NOL4: variants seen among roughly 807,000 people sequenced by gnomAD.
NOL4 encodes cancer/testis antigen 125.
In NOL4, 17 loss-of-function variants were observed where a neutral mutation model predicts 75.9. The ratio of observed to expected loss-of-function variants is 0.22; its 90% CI spans 0.15 to 0.34. NOL4 has a LOEUF of 0.34. NOL4 is among the 10% of genes least tolerant of loss of function. The pLI is 1.00. For missense variants in NOL4, 614 were observed against 793.5 expected (o/e 0.77, Z 2.72); for synonymous variants, 292 against 289.9 (o/e 1.01, Z -0.07).
chr18:33,863,638 C>G (rs1283316133), intron 10 of NOL4, among the ~76,000 whole-genome samples: 1 of 152,198 alleles, frequency 6.6e-6, no homozygotes, highest in Non-Finnish European at 1.5e-5. Context: ...GGTGGTCTCT[C>G]ACAGCCTTGG....
At position 33,852,987 on chromosome 18, in the gene NOL4, G is replaced by C. The variant is rs755296224; in HGVS notation, c.1772C>G (p.Ser591Cys). ...MKRQLATSSG[S>C]SSSSNSRPQL... ...GGGTCTGGAGTTTGAGCTGCTGGAGGATCCTGAGCTAGTCGCCAATTGTCT... is the reference window on the plus strand; with the variant it reads ...GGGTCTGGAGTTTGAGCTGCTGGAGCATCCTGAGCTAGTCGCCAATTGTCT... Residue 591 changes from serine to cysteine, a missense_variant, in exon 11 of 11, where the codon TCC becomes TGC. By Grantham distance (112) the Ser-to-Cys change is moderately radical. Transcript: ENST00000261592. The C allele has an allele frequency of 5.0e-6, 8 of 1,612,862 alleles. No homozygotes were observed. The African/African-American group carries it at 8.0e-5, about 16-fold the overall frequency.
chr18:34,178,790 T>C (rs970895139), intron 1 of NOL4, among the ~76,000 whole-genome samples: 2 of 151,606 alleles, frequency 1.3e-5, no homozygotes, highest in African/African-American at 4.8e-5. Flanking sequence ...ATAGAATAAC[T>C]AGACAGAAGA....
intron 6 of NOL4, among the ~76,000 whole-genome samples, chr18:33,992,398 C>G (rs543362250): frequency 6.6e-6 from 1 of 151,968 alleles, no homozygotes; most frequent in Non-Finnish European, 1.5e-5. Flanking sequence ...AGACCCATAC[C>G]TCAGCAAAAT....
At chr18:33,931,334 T>A (rs1207590900) in intron 9 of NOL4, among the ~76,000 whole-genome samples, 1 of 152,182 alleles carries the variant, frequency 6.6e-6, no homozygotes, top group African/African-American at 2.4e-5. Context: ...CAGGTGCTAC[T>A]GACATTAAGT....
In NOL4 at chr18:33,973,725, G is replaced by C. The variant is rs190395413; in HGVS notation, c.1057-15307C>G. ...TCTTGGGTGACCAAGCGCACTGTGC[G>C]GGAGCAGTAATATTTTGAAACGAAT... On this transcript the variant is annotated intron_variant, in intron 6 of 10. Coordinates refer to ENST00000261592, the MANE Select transcript of NOL4 (RefSeq NM_003787.5). Among the ~76,000 whole-genome samples the C allele has an allele frequency of 1.3e-4, 20 of 152,260 alleles. No homozygotes were observed. In the East Asian group the frequency reaches 3.5e-3, roughly 26 times the overall value.
At chr18:34,134,866 T>G (rs1185713792) in intron 1 of NOL4, among the ~76,000 whole-genome samples, 1 of 152,108 alleles carries the variant, frequency 6.6e-6, no homozygotes, top group Non-Finnish European at 1.5e-5. Context: ...AACTAATTGG[T>G]CAGACGAATC....
At chr18:34,044,138 C>A (rs1003958490) in intron 5 of NOL4, among the ~76,000 whole-genome samples, 4 of 151,962 alleles carry the variant, frequency 2.6e-5, no homozygotes, top group African/African-American at 9.7e-5. Flanking sequence ...ACAGAGGGAT[C>A]TTTTGTTAGA....
intron 1 of NOL4, among the ~76,000 whole-genome samples, chr18:34,138,157 A>T (rs1344080425): frequency 6.6e-6 from 1 of 152,116 alleles, no homozygotes; most frequent in East Asian, 1.9e-4. Flanking sequence ...CATGCCTGTA[A>T]TCCCAGTGCT....
intron 6 of NOL4, among the ~76,000 whole-genome samples, chr18:33,963,738 G>C (rs1413163359): frequency 6.6e-6 from 1 of 152,130 alleles, no homozygotes; most frequent in African/African-American, 2.4e-5. Context: ...CCTCAGCAAA[G>C]AGGCTTCTGA....
At chr18:34,016,584 TA>T (rs917313480) in intron 6 of NOL4, among the ~76,000 whole-genome samples, 23 of 152,074 alleles carry the variant, frequency 1.5e-4, no homozygotes, top group African/African-American at 5.6e-4. Flanking sequence ...AAAACATGCT[TA>T]CCCCTCTCCC....
At chr18:33,936,984 A>G (rs2145489144) in intron 9 of NOL4, among the ~76,000 whole-genome samples, 1 of 152,154 alleles carries the variant, frequency 6.6e-6, no homozygotes, top group Admixed American at 6.6e-5. Flanking sequence ...TAATTACTAA[A>G]TAATAAATAT....
chr18:34,168,293 A>G (rs1332486238), intron 1 of NOL4, among the ~76,000 whole-genome samples: 1 of 151,954 alleles, frequency 6.6e-6, no homozygotes, highest in Admixed American at 6.6e-5. Context: ...AGTAAAATGG[A>G]ATACAGAAAA....
intron 5 of NOL4, among the ~76,000 whole-genome samples, chr18:34,060,518 T>C (rs1331100570): frequency 1.3e-5 from 2 of 152,190 alleles, no homozygotes; most frequent in Non-Finnish European, 2.9e-5. Context: ...TGGGTGGTGT[T>C]TATTTTCTGT....
At chr18:34,058,363 T>G (rs558192990) in intron 5 of NOL4, among the ~76,000 whole-genome samples, 2 of 152,212 alleles carry the variant, frequency 1.3e-5, no homozygotes, top group Non-Finnish European at 2.9e-5. Flanking sequence ...CTCGATCTCC[T>G]GACCTCGTGA....
intron 9 of NOL4, among the ~76,000 whole-genome samples, chr18:33,923,783 C>T (rs1012811999): frequency 1.3e-5 from 2 of 152,066 alleles, no homozygotes; most frequent in Non-Finnish European, 2.9e-5. Flanking sequence ...AAATTATTTA[C>T]TAAGTATAGA....
At chr18:33,992,993 G>T (rs937101718) in intron 6 of NOL4, among the ~76,000 whole-genome samples, 1 of 152,024 alleles carries the variant, frequency 6.6e-6, no homozygotes, top group Admixed American at 6.6e-5. Flanking sequence ...AGAGGTTTTA[G>T]TGGACGGCAA....
chr18:34,056,135 GT>G (rs2076826095), intron 5 of NOL4, among the ~76,000 whole-genome samples: 1 of 151,720 alleles, frequency 6.6e-6, no homozygotes, highest in Non-Finnish European at 1.5e-5. Flanking sequence ...CTTTCTTTAG[GT>G]TCTATATCCA....
chr18:33,908,859 A>C (rs1420631875), intron 9 of NOL4, among the ~76,000 whole-genome samples: 4 of 152,140 alleles, frequency 2.6e-5, no homozygotes, highest in Non-Finnish European at 5.9e-5. Flanking sequence ...TGTATACATG[A>C]GGAAAATACT....
chr18:34,036,800 T>C (rs1450417319), intron 5 of NOL4, among the ~76,000 whole-genome samples: 1 of 152,150 alleles, frequency 6.6e-6, no homozygotes, highest in Non-Finnish European at 1.5e-5. Flanking sequence ...GGCAAACACC[T>C]GTAATCCCAG....
Sources: allele counts gnomAD v4.1 joint callset (sites outside exome capture counted in the v4.1 genomes callset), GRCh38; gene constraint gnomAD v4.1.1; transcripts MANE v1.5; gene names NCBI Gene and HGNC (gene_info 2026-07-23, HGNC 2026-07-21).